PRAG1: variants seen among roughly 807,000 people sequenced by gnomAD.
PRAG1 encodes inactive tyrosine-protein kinase PRAG1.
In PRAG1, 110 loss-of-function variants were observed where a neutral mutation model predicts 95.6. That is an observed-to-expected ratio of 1.15 (90% CI 0.99 to 1.35). PRAG1 has a LOEUF of 1.35. Among genes scored for constraint, PRAG1 ranks in the 40% most tolerant of loss-of-function variants. The pLI is 0.00. For synonymous variants in PRAG1, 1,052 were observed against 819.4 expected (o/e 1.28, Z -4.85); for missense variants, 2,554 against 1,864.7 (o/e 1.37, Z -6.81).
At chr8:8,345,131 A>G (rs1799293145) in intron 3 of PRAG1, among the ~76,000 whole-genome samples, 1 of 149,896 alleles carries the variant, frequency 6.7e-6, no homozygotes, top group Admixed American at 6.7e-5. Flanking sequence ...ACTTTGGTAA[A>G]TCTTAGTTTC....
intron 3 of PRAG1, among the ~76,000 whole-genome samples, chr8:8,341,329 C>T (rs1368299629): frequency 5.3e-5 from 8 of 152,262 alleles, no homozygotes; most frequent in Admixed American, 5.2e-4. Flanking sequence ...TATTCATATA[C>T]ATATGCACAC....
rs546738423 is a variant in PRAG1, at chr8:8,339,473, G to C, written c.2320+5C>G. ...AAGCCTCTCCGTCAATGTCAAGTTT[G>C]TTACCTCCATCGCTGCAGGTCCTAG... On this transcript the variant is annotated splice_donor_5th_base_variant and intron_variant, in intron 4 of 5. Coordinates refer to ENST00000615670, the MANE Select transcript of PRAG1 (RefSeq NM_001080826.3). 4 of 1,613,518 alleles carry C rather than the reference G, an allele frequency of 2.5e-6. No homozygotes were observed. Among genetic ancestry groups the C allele is most frequent in the Admixed American group, 1.7e-5 (1 of 60,008 alleles).
At chr8:8,319,984 C>G (rs1314609751) in intron 5 of PRAG1, among the ~76,000 whole-genome samples, 1 of 152,316 alleles carries the variant, frequency 6.6e-6, no homozygotes, top group East Asian at 1.9e-4. Flanking sequence ...TCAGACATTG[C>G]TGATGGGAAT....
intron 2 of PRAG1, among the ~76,000 whole-genome samples, chr8:8,379,179 C>T (rs550402838): frequency 2.0e-5 from 3 of 152,220 alleles, no homozygotes; most frequent in Admixed American, 1.3e-4. Flanking sequence ...TGGGCTTCCT[C>T]GCTTCTTTCT....
intron 3 of PRAG1, among the ~76,000 whole-genome samples, chr8:8,350,986 A>G (rs1585248171): frequency 6.6e-6 from 1 of 152,178 alleles, no homozygotes; most frequent in East Asian, 1.9e-4. Flanking sequence ...ATGGATAAAC[A>G]GGCAAACAGA....
At position 8,381,696 on chromosome 8, in the gene PRAG1, T is replaced by C. The variant is rs765264226; in HGVS notation, c.52A>G (p.Ser18Gly). Residue 18 changes from serine (S) to glycine (G), a missense_variant, in exon 2 of 6, where the codon AGT (serine) becomes GGT (glycine). Coordinates refer to ENST00000615670, the MANE Select transcript of PRAG1 (RefSeq NM_001080826.3). The part of the protein sequence containing the change: ...NPESLKMSAC[S>G]DFVEHIWKPG... Reference sequence around the variant, plus strand: ...TTCCAGATGTGCTCCACAAAGTCACTGCACGCAGACATTTTCAGGCTCTCG... The same window carrying C: ...TTCCAGATGTGCTCCACAAAGTCACCGCACGCAGACATTTTCAGGCTCTCG... 6.2e-6 allele frequency: 10 copies of C among 1,610,064 alleles called. No individual in the cohort carries two copies. The highest frequency in any genetic ancestry group is 2.7e-5 in the African/African-American group (2 of 74,842).
At chr8:8,379,167 C>T (rs2976958) in intron 2 of PRAG1, among the ~76,000 whole-genome samples, 114,635 of 151,722 alleles carry the variant, frequency 0.76, 44,150 homozygotes, top group East Asian at 1. Flanking sequence ...CTGAACTGGA[C>T]CTGGGCTTCC....
Position 8,318,813 on chromosome 8 carries a change from C to A in PRAG1, c.3562G>T (p.Ala1188Ser), listed in dbSNP as rs750726726. Residue 1188 changes from alanine (A) to serine (S), a missense_variant, in exon 6 of 6, where the codon GCT becomes TCT. Physicochemically the swap from Ala to Ser is moderately conservative, Grantham distance 99. Transcript: ENST00000615670. This position sits in a 1 kb window ranked among gnomAD's most constrained non-coding sequence, Gnocchi z 4.2. Reference protein sequence around the residue: ...APPCSSAAPPAGGTLSPAAGP... With the variant: ...APPCSSAAPPSGGTLSPAAGP... ...GCTGCGGGGCTGAGAGTGCCACCAG[C>A]AGGCGGGGCGGCAGAGGAGCAGGGA... 5 of 1,454,574 alleles carry A rather than the reference C, an allele frequency of 3.4e-6. No homozygotes were observed. Among genetic ancestry groups the A allele is most frequent in the African/African-American group, 3.0e-5 (2 of 67,780 alleles). The allele number at this position is 1,454,574 out of a possible 1,614,324, so 90.1% of individuals were successfully genotyped here. A position where few individuals can be genotyped will look rare whatever the true frequency, so the allele number is the denominator to read the frequency against.
At chr8:8,323,996 GAC>G (rs1268877232) in intron 5 of PRAG1, among the ~76,000 whole-genome samples, 2 of 152,214 alleles carry the variant, frequency 1.3e-5, no homozygotes, top group Non-Finnish European at 2.9e-5. Flanking sequence ...TCCTCTGAAT[GAC>G]AGGGGCAGGG....
At chr8:8,325,875 G>A (rs951068735) in intron 5 of PRAG1, among the ~76,000 whole-genome samples, 34 of 151,424 alleles carry the variant, frequency 2.2e-4, no homozygotes, top group African/African-American at 8.3e-4. Context: ...ATCACACCAC[G>A]TACTCCAGCC....
chr8:8,369,698 CTT>C (rs10596599), intron 3 of PRAG1, among the ~76,000 whole-genome samples: 1,975 of 140,016 alleles, frequency 0.014, 46 homozygotes, highest in African/African-American at 0.043. Flanking sequence ...AAAAAATAAA[CTT>C]TTTTTTTTTT....
chr8:8,320,083 C>T lies in PRAG1; in HGVS notation c.3073-781G>A, dbSNP rs889415378. Among the ~76,000 whole-genome samples, 3 of 152,302 alleles carry T rather than the reference C, an allele frequency of 2.0e-5. No homozygotes were observed. The East Asian group carries it at 5.8e-4, about 29-fold the overall frequency. Reference sequence around the variant, plus strand: ...CCATATGACCCAGTGAGTGGGGTCCCTGCCGAGCAACACACAGTGTGGTCG... The same window carrying T: ...CCATATGACCCAGTGAGTGGGGTCCTTGCCGAGCAACACACAGTGTGGTCG... On this transcript the variant is annotated intron_variant, in intron 5 of 5. Transcript: ENST00000615670.
intron 5 of PRAG1, among the ~76,000 whole-genome samples, chr8:8,322,341 C>T (rs1585215489): frequency 2.0e-5 from 3 of 152,036 alleles, no homozygotes; most frequent in African/African-American, 4.8e-5. Context: ...CCACCACACT[C>T]GACTAAATTT....
rs1448304987 is a variant in PRAG1 at position 8,318,432 on chromosome 8, G to A, written c.3943C>T (p.Arg1315Cys). The A allele has an allele frequency of 1.2e-6, 2 of 1,612,602 alleles. No homozygotes were observed. Among genetic ancestry groups the A allele is most frequent in the Non-Finnish European group, 1.7e-6 (2 of 1,179,818 alleles). The stretch of plus-strand genomic sequence containing the variant: ...CGCTTGGCCTCGCCGATGCGGATAC[G>A]CTTGATGGGGTCGGCCTCCAGTAGC... ...HLLLEADPIK[R>C]IRIGEAKRVL... Residue 1315 changes from arginine to cysteine, a missense_variant, in exon 6 of 6, where the codon CGT becomes TGT. Arg to Cys is a radical substitution (Grantham distance 180, BLOSUM62 -3). Transcript: ENST00000615670. This position sits in a 1 kb window ranked among gnomAD's most constrained non-coding sequence, Gnocchi z 4.2.
chr8:8,361,929 C>G (rs1214646250), intron 3 of PRAG1, among the ~76,000 whole-genome samples: 1 of 152,208 alleles, frequency 6.6e-6, no homozygotes, highest in Non-Finnish European at 1.5e-5. Context: ...CATCTTTCTT[C>G]GCTCCCAATT....
chr8:8,334,588 G>A (rs747833085), intron 4 of PRAG1, among the ~76,000 whole-genome samples: 3 of 151,106 alleles, frequency 2.0e-5, no homozygotes, highest in Non-Finnish European at 4.4e-5. Flanking sequence ...ATCATCCCAG[G>A]AAACAATAAT....
In PRAG1 at chr8:8,319,225, G is replaced by C. The variant is rs540212982; in HGVS notation, c.3150C>G (p.Asp1050Glu). ...SVPVHFNIQQ[D>E]CGHFVASVPS... ...GCACCGAGGCGACGAAGTGGCCGCA[G>C]TCCTGCTGGATGTTAAAGTGCACGG... Residue 1050 changes from aspartate (D) to glutamate (E), a missense_variant, in exon 6 of 6, where the codon GAC becomes GAG. Transcript: ENST00000615670. The C allele has an allele frequency of 6.4e-7, 1 of 1,573,128 alleles. No homozygotes were observed. The highest frequency in any genetic ancestry group is 1.2e-5 in the South Asian group (1 of 85,530).
In PRAG1 at chr8:8,318,820, G is replaced by T; in HGVS notation, c.3555C>A (p.Ala1185=). The T allele has an allele frequency of 6.9e-7, 1 of 1,443,210 alleles. No homozygotes were observed. The highest frequency in any genetic ancestry group is 1.4e-5 in the South Asian group (1 of 70,294). 89.4% of individuals were successfully genotyped at this position (1,443,210 alleles called of 1,614,324 possible). A position where few individuals can be genotyped will look rare whatever the true frequency, so the allele number is the denominator to read the frequency against. The change falls in exon 6 of 6, where the codon GCC becomes GCA. Residue 1185 remains alanine (A), a synonymous_variant. Coordinates refer to ENST00000615670, the MANE Select transcript of PRAG1 (RefSeq NM_001080826.3). This position sits in a 1 kb window ranked among gnomAD's most constrained non-coding sequence, Gnocchi z 4.2. The part of the protein sequence containing the change: ...AAAAPPCSSA[A]PPAGGTLSPA... ...GGCTGAGAGTGCCACCAGCAGGCGG[G>T]GCGGCAGAGGAGCAGGGAGGCGCGG...
chr8:8,338,131 G>A (rs1032432654), intron 4 of PRAG1, among the ~76,000 whole-genome samples: 1 of 152,050 alleles, frequency 6.6e-6, no homozygotes, highest in Admixed American at 6.5e-5. Context: ...ATTGATTTCT[G>A]TCTCTTCTGG....
Sources: allele counts gnomAD v4.1 joint callset (sites outside exome capture counted in the v4.1 genomes callset), GRCh38; gene constraint gnomAD v4.1.1; non-coding constraint Gnocchi (gnomAD v3.1); transcripts MANE v1.5; gene names NCBI Gene and HGNC (gene_info 2026-07-23, HGNC 2026-07-21).